The following GFRA1 variants were observed in gnomAD, a reference collection of about 807,000 sequenced individuals.
The protein encoded by GFRA1 is GDNF family receptor alpha-1.
GFRA1 carries 16 observed loss-of-function variants against 51.6 expected under a neutral mutation model. The observed-to-expected ratio is 0.31, with a 90% CI of 0.21 to 0.47. The LOEUF (loss-of-function observed/expected upper bound fraction) is 0.47. GFRA1 is among the 20% of genes least tolerant of loss of function. The pLI is 1.00. For missense variants in GFRA1, 530 were observed against 594.3 expected (o/e 0.89, Z 1.13); for synonymous variants, 270 against 241.3 (o/e 1.12, Z -1.10).
rs190134588 is a variant in GFRA1 at position 116,250,606 on chromosome 10, G to A, written c.418+18897C>T. Among the ~76,000 whole-genome samples, 65 of 152,306 alleles carry A rather than the reference G, an allele frequency of 4.3e-4. 1 individual carries two copies. The highest frequency in any genetic ancestry group is 7.8e-4 in the Non-Finnish European group (53 of 68,030). On this transcript the variant is annotated intron_variant, in intron 4 of 10. Coordinates refer to ENST00000355422, the MANE Select transcript of GFRA1 (RefSeq NM_005264.8). ...AACAGGGCAAAGCTGGCCCCTCCAA[G>A]TCACACTCGAGCACAAAGTCTCTGG... is the stretch of plus-strand genomic sequence containing the variant.
At chr10:116,179,261 C>T (rs372252366) in intron 5 of GFRA1, among the ~76,000 whole-genome samples, 8 of 152,148 alleles carry the variant, frequency 5.3e-5, no homozygotes, top group African/African-American at 1.9e-4. Context: ...TCATACAAAC[C>T]CTACGAGGTA....
intron 4 of GFRA1, among the ~76,000 whole-genome samples, chr10:116,225,804 G>A (rs1159548200): frequency 1.3e-5 from 2 of 151,948 alleles, no homozygotes; most frequent in Admixed American, 1.3e-4. Context: ...GGCCAGCCTG[G>A]TCTCAAACTC....
rs1196603669 is a variant in GFRA1 at position 116,064,403 on chromosome 10, A to G, written c.1393T>C (p.Ser465Pro). ...ATTGTATTTTTTTAATGCAGCTATG[A>G]TGTTTCTGTTAAAGATAATAGGGTG... ...LSTLLSLTET[S>P] Residue 465 changes from serine (S) to proline (P), a missense_variant, in exon 11 of 11, where the codon TCA (serine) becomes CCA (proline). Transcript: ENST00000355422. 1 of 1,611,942 alleles carries G rather than the reference A, an allele frequency of 6.2e-7. No individual in the cohort carries two copies.
chr10:116,091,931 G>T (rs1956355293), intron 8 of GFRA1, among the ~76,000 whole-genome samples: 1 of 152,124 alleles, frequency 6.6e-6, no homozygotes, highest in Non-Finnish European at 1.5e-5. Flanking sequence ...TCACCAAAAA[G>T]GTTATAAAGC....
At chr10:116,070,277 A>G (rs1235315203) in intron 9 of GFRA1, among the ~76,000 whole-genome samples, 2 of 152,186 alleles carry the variant, frequency 1.3e-5, no homozygotes, top group Non-Finnish European at 2.9e-5. Context: ...AATGCAATCA[A>G]CTTTGCTCTC....
intron 5 of GFRA1, among the ~76,000 whole-genome samples, chr10:116,168,583 G>A (rs867679212): frequency 6.6e-6 from 1 of 152,108 alleles, no homozygotes; most frequent in African/African-American, 2.4e-5. Context: ...GTATCATGCT[G>A]GTCTGTTGAA....
intron 6 of GFRA1, among the ~76,000 whole-genome samples, chr10:116,114,610 T>A (rs1957339119): frequency 6.6e-6 from 1 of 152,160 alleles, no homozygotes; most frequent in Admixed American, 6.5e-5. Flanking sequence ...TAGTCCAGGC[T>A]GGACTTGAAC....
At chr10:116,185,800 G>T (rs2134295210) in intron 5 of GFRA1, among the ~76,000 whole-genome samples, 1 of 152,220 alleles carries the variant, frequency 6.6e-6, no homozygotes, top group Admixed American at 6.5e-5. Context: ...AGAGTCTGTG[G>T]AACACTAGCA....
chr10:116,086,327 C>CTGACT (rs1657915906), intron 9 of GFRA1, among the ~76,000 whole-genome samples: 1 of 152,232 alleles, frequency 6.6e-6, no homozygotes, highest in Non-Finnish European at 1.5e-5. Context: ...CAAGTGGCTA[C>CTGACT]TGACTTGGGA....
intron 4 of GFRA1, among the ~76,000 whole-genome samples, chr10:116,225,628 T>C (rs1220404246): frequency 1.3e-5 from 2 of 151,206 alleles, no homozygotes; most frequent in African/African-American, 2.4e-5. Context: ...CTTGCTCTAT[T>C]GTCCAGGCTG....
chr10:116,192,595 A>C (rs1336170936), intron 5 of GFRA1, among the ~76,000 whole-genome samples: 1 of 152,174 alleles, frequency 6.6e-6, no homozygotes, highest in African/African-American at 2.4e-5. Context: ...TGAGAATTGA[A>C]AGAGGCTGCC....
chr10:116,073,454 G>A (rs1955490273), intron 9 of GFRA1, among the ~76,000 whole-genome samples: 1 of 152,182 alleles, frequency 6.6e-6, no homozygotes, highest in South Asian at 2.1e-4. Context: ...CAGACAAGAA[G>A]CAATTATGAG....
chr10:116,258,188 A>T (rs1024760992), intron 4 of GFRA1, among the ~76,000 whole-genome samples: 2 of 152,058 alleles, frequency 1.3e-5, no homozygotes, highest in Admixed American at 6.5e-5. Context: ...CCTCTGAATC[A>T]TCTGGGCCTC....
chr10:116,060,082 C>G lies in GFRA1; in HGVS notation c.*4316G>C, dbSNP rs2133735093. 1 of 152,114 alleles carries G rather than the reference C, an allele frequency of 6.6e-6. No individual in the cohort carries two copies. The highest frequency in any genetic ancestry group is 1.5e-5 in the Non-Finnish European group (1 of 67,992). 9.4% of individuals were successfully genotyped at this position (152,114 alleles called of 1,614,324 possible). The stretch of plus-strand genomic sequence containing the variant: ...AATGAAATGTCCTACCGAATACATC[C>G]CAGGACGGAGGGAGTGGAAAAAAAC... On this transcript the variant is annotated 3_prime_UTR_variant, in exon 11 of 11. Transcript: ENST00000355422.
At chr10:116,090,684 A>C (rs1051240298) in intron 8 of GFRA1, among the ~76,000 whole-genome samples, 10 of 152,150 alleles carry the variant, frequency 6.6e-5, no homozygotes, top group Non-Finnish European at 1.5e-4. Context: ...AATGAATAAA[A>C]AACAGTTTCT....
chr10:116,253,704 C>T (rs913548719), intron 4 of GFRA1, among the ~76,000 whole-genome samples: 9 of 152,124 alleles, frequency 5.9e-5, no homozygotes, highest in Non-Finnish European at 8.8e-5. Flanking sequence ...TCCTAAGCCT[C>T]TCTAAAATAA....
intron 4 of GFRA1, among the ~76,000 whole-genome samples, chr10:116,214,652 A>G (rs1965437529): frequency 6.6e-6 from 1 of 152,230 alleles, no homozygotes; most frequent in Non-Finnish European, 1.5e-5. Context: ...ACAGACAAAA[A>G]TTTCCAACCC....
At chr10:116,235,719 C>T (rs149313415) in intron 4 of GFRA1, among the ~76,000 whole-genome samples, 60 of 152,270 alleles carry the variant, frequency 3.9e-4, no homozygotes, top group Non-Finnish European at 6.3e-4. Flanking sequence ...GGAAGTGGAG[C>T]CTTTCGGCAG....
chr10:116,167,697 G>T (rs757429750), intron 5 of GFRA1, among the ~76,000 whole-genome samples: 1 of 151,970 alleles, frequency 6.6e-6, no homozygotes, highest in Non-Finnish European at 1.5e-5. Flanking sequence ...ACAGGTCCCC[G>T]GGCTCCAACC....
Sources: gnomAD v4.1 joint callset for allele counts (sites outside exome capture counted in the v4.1 genomes callset) on GRCh38, gnomAD v4.1.1 for gene constraint, MANE v1.5 for transcripts, NCBI Gene and HGNC (gene_info 2026-07-23, HGNC 2026-07-21) for gene names.